The following UBR1 variants were observed in gnomAD, a reference collection of about 807,000 sequenced individuals.
UBR1 encodes the protein ubiquitin protein ligase E3 component n-recognin 1.
In UBR1, 102 loss-of-function variants were observed where a neutral mutation model predicts 242.1. The ratio of observed to expected loss-of-function variants is 0.42; its 90% CI spans 0.36 to 0.50. The LOEUF (loss-of-function observed/expected upper bound fraction) is 0.50, where lower values mean the gene tolerates loss of function less well. UBR1 is among the 20% of genes least tolerant of loss of function. The pLI is 0.01. For synonymous variants in UBR1, 675 were observed against 684.8 expected, an observed-to-expected ratio of 0.99 and a Z score of 0.22; for missense variants, 1,772 against 2,101.8, an observed-to-expected ratio of 0.84 and a Z score of 3.07.
chr15:43,050,952 A>G (rs1431098886), intron 12 of UBR1, among the ~76,000 whole-genome samples: 2 of 152,210 alleles, frequency 1.3e-5, no homozygotes, highest in Non-Finnish European at 2.9e-5. Flanking sequence ...TGCAGGGAAA[A>G]ATGAATGCTC....
At chr15:42,966,661 G>C (rs1292370625) in intron 40 of UBR1, among the ~76,000 whole-genome samples, 1 of 148,972 alleles carries the variant, frequency 6.7e-6, no homozygotes, top group African/African-American at 2.5e-5. Context: ...CTGGGCAACA[G>C]AGCGAGACGC....
rs1401299127 is a variant in UBR1, at chr15:43,076,758, G to C, written c.418-1669C>G. Among the ~76,000 whole-genome samples the C allele has an allele frequency of 2.4e-4, 34 of 139,260 alleles. 1 individual carries two copies. Among genetic ancestry groups the C allele is most frequent in the Non-Finnish European group, 5.0e-4 (32 of 64,438 alleles). 91.4% of individuals were successfully genotyped at this position (139,260 alleles called of 152,430 possible). ...AGCGTCTCCGCCTGGCAGCCACCGC[G>C]TCCGGGAGGGAGGTGGGAGGGGGTC... On this transcript the variant is annotated intron_variant, in intron 3 of 46. Coordinates refer to ENST00000290650, the MANE Select transcript of UBR1 (RefSeq NM_174916.3).
At chr15:43,017,931 C>T (rs781367644) in intron 27 of UBR1, among the ~76,000 whole-genome samples, 22 of 151,806 alleles carry the variant, frequency 1.4e-4, no homozygotes, top group Non-Finnish European at 2.6e-4. Flanking sequence ...TCTTACCATA[C>T]ATACTGTTTC....
intron 27 of UBR1, among the ~76,000 whole-genome samples, chr15:43,019,893 C>T (rs920336146): frequency 2.6e-5 from 4 of 151,898 alleles, no homozygotes; most frequent in Admixed American, 6.6e-5. Context: ...CGTGAGCCAC[C>T]GTGCCTGGCC....
intron 19 of UBR1, among the ~76,000 whole-genome samples, chr15:43,033,871 G>C (rs1479698793): frequency 6.6e-6 from 1 of 151,930 alleles, no homozygotes; most frequent in Non-Finnish European, 1.5e-5. Context: ...TGAGAGGCCA[G>C]GGCAGGCAGA....
At chr15:43,066,602 T>C (rs2033755264) in intron 6 of UBR1, among the ~76,000 whole-genome samples, 1 of 152,292 alleles carries the variant, frequency 6.6e-6, no homozygotes, top group East Asian at 1.9e-4. Context: ...GAAGATGGAA[T>C]GTTTTTTCCC....
chr15:42,945,543 G>A lies in UBR1; in HGVS notation c.5109-73C>T, dbSNP rs2031718824. 2.5e-6 allele frequency: 4 copies of A among 1,572,086 alleles called. No individual in the cohort carries two copies. In the African/African-American group the frequency reaches 4.1e-5, roughly 16 times the overall value. On this transcript the variant is annotated intron_variant, in intron 46 of 46. Transcript: ENST00000290650. Reference sequence around the variant, plus strand: ...TGCCACATCTTTATTGTCTAAATTAGTATGCACTCTTGAGATGTTCCTGGA... The same window carrying A: ...TGCCACATCTTTATTGTCTAAATTAATATGCACTCTTGAGATGTTCCTGGA...
At chr15:43,019,760 A>AT (rs2033080383) in intron 27 of UBR1, among the ~76,000 whole-genome samples, 2 of 92,208 alleles carry the variant, frequency 2.2e-5, no homozygotes, top group African/African-American at 2.9e-5. Context: ...ACGCCCAGCT[A>AT]ATTTTTTTTT....
chr15:43,000,859 A>T (rs1183941856), intron 32 of UBR1, among the ~76,000 whole-genome samples: 1 of 152,120 alleles, frequency 6.6e-6, no homozygotes, highest in African/African-American at 2.4e-5. Flanking sequence ...TTTGACACAG[A>T]GTGTAGCTCT....
intron 15 of UBR1, among the ~76,000 whole-genome samples, chr15:43,038,976 T>C (rs186705979): frequency 7.9e-5 from 12 of 151,710 alleles, no homozygotes; most frequent in Non-Finnish European, 1.2e-4. Flanking sequence ...AAAAAGGTAC[T>C]TTTAACAAAA....
At chr15:43,070,982 A>C (rs1825643020) in intron 4 of UBR1, 57 bp from the exon 5 acceptor site, 2 of 1,594,504 alleles carry the variant, frequency 1.3e-6, no homozygotes, top group Non-Finnish European at 1.7e-6. Context: ...TAAATGGATA[A>C]GGAAGGTAAT....
intron 15 of UBR1, among the ~76,000 whole-genome samples, chr15:43,040,455 T>C (rs1183754929): frequency 6.6e-6 from 1 of 152,190 alleles, no homozygotes; most frequent in Non-Finnish European, 1.5e-5. Context: ...TAATTCAAGA[T>C]GGATTAAAGA....
chr15:43,064,816 C>T (rs1000186921), intron 6 of UBR1, among the ~76,000 whole-genome samples: 3 of 151,974 alleles, frequency 2.0e-5, no homozygotes, highest in African/African-American at 7.3e-5. Flanking sequence ...GTGATCCGCC[C>T]GCCTCAGCCT....
At chr15:43,099,023 G>A (rs1051668013) in intron 1 of UBR1, among the ~76,000 whole-genome samples, 1 of 152,088 alleles carries the variant, frequency 6.6e-6, no homozygotes, top group Non-Finnish European at 1.5e-5. Flanking sequence ...TTGAAGTCAA[G>A]AGATTATGTT....
At chr15:42,989,381 T>C (rs1300310732) in intron 34 of UBR1, among the ~76,000 whole-genome samples, 2 of 152,218 alleles carry the variant, frequency 1.3e-5, no homozygotes, top group Non-Finnish European at 2.9e-5. Context: ...GATAGGTATG[T>C]GTATGTGTTT....
At chr15:42,954,261 G>C (rs1325046764) in intron 44 of UBR1, among the ~76,000 whole-genome samples, 1 of 152,048 alleles carries the variant, frequency 6.6e-6, no homozygotes, top group Non-Finnish European at 1.5e-5. Context: ...CCCAAGATTA[G>C]GAAAATTACT....
chr15:42,960,484 T>A (rs1021728784), intron 43 of UBR1, among the ~76,000 whole-genome samples, 161 bp downstream of exon 43: 1 of 152,120 alleles, frequency 6.6e-6, no homozygotes, highest in Non-Finnish European at 1.5e-5. Flanking sequence ...AAAAAACATT[T>A]GTAGGAAGAA....
chr15:43,053,395 G>C (rs963490569), intron 12 of UBR1, among the ~76,000 whole-genome samples: 11 of 152,130 alleles, frequency 7.2e-5, no homozygotes, highest in African/African-American at 2.4e-4. Context: ...CCATGGTAGA[G>C]AGATTTTTTT....
In UBR1 at chr15:43,007,099, T is replaced by C; in HGVS notation, c.3395A>G (p.Lys1132Arg). ...KSTALTQHRG[K>R]PIELSGEALD... is the part of the protein sequence containing the mutation. ...CATACCTCCTGAGAGTTCTATGGGT[T>C]TTCCCCTGTGCTGGGTTAAGGCAGT... The change falls in exon 30 of 47, where the codon AAA becomes AGA. Residue 1132 changes from lysine (K) to arginine (R), a missense_variant. By Grantham distance (26) the Lys-to-Arg change is conservative (BLOSUM62 2). Transcript: ENST00000290650. The C allele has an allele frequency of 6.2e-7, 1 of 1,614,206 alleles. No individual in the cohort carries two copies. Among genetic ancestry groups the C allele is most frequent in the South Asian group, 1.1e-5 (1 of 91,080 alleles).
Sources: allele counts gnomAD v4.1 joint callset (sites outside exome capture counted in the v4.1 genomes callset), GRCh38; gene constraint gnomAD v4.1.1; transcripts MANE v1.5; gene names NCBI Gene and HGNC (gene_info 2026-07-23, HGNC 2026-07-21).